The following SGCD variants were observed in gnomAD, a reference collection of about 807,000 sequenced individuals.
SGCD encodes the protein sarcoglycan delta.
Under a neutral mutation model 36.6 loss-of-function variants are expected in SGCD, and 18 were observed. The observed-to-expected ratio is 0.49, with a 90% CI of 0.34 to 0.73. SGCD has a LOEUF of 0.73. SGCD is among the 30% of genes least tolerant of loss of function. The pLI is 0.01. For missense variants in SGCD, 387 were observed against 346.7 expected (o/e 1.12, Z -0.92); for synonymous variants, 133 against 130.6 (o/e 1.02, Z -0.12).
At chr5:156,484,845 G>A (rs1755586884) in intron 3 of SGCD, among the ~76,000 whole-genome samples, 1 of 152,096 alleles carries the variant, frequency 6.6e-6, no homozygotes. Flanking sequence ...ACCTGAGCCT[G>A]GTAATTTCCA....
intron 3 of SGCD, among the ~76,000 whole-genome samples, chr5:156,291,991 A>G (rs1766769276): frequency 6.6e-6 from 1 of 152,034 alleles, no homozygotes; most frequent in Admixed American, 6.6e-5. Flanking sequence ...TTTGAAAAAC[A>G]TCTTCCCAAC....
intron 3 of SGCD, among the ~76,000 whole-genome samples, chr5:156,153,763 TAG>T (rs1225041568): frequency 6.6e-6 from 1 of 151,546 alleles, no homozygotes; most frequent in Non-Finnish European, 1.5e-5. Flanking sequence ...TGGAAATCAA[TAG>T]AGAGTTGCAT....
intron 3 of SGCD, among the ~76,000 whole-genome samples, chr5:156,415,527 T>A (rs1235342271): frequency 2.0e-5 from 3 of 152,316 alleles, no homozygotes; most frequent in South Asian, 2.1e-4. Context: ...CAGCTGTTGA[T>A]CAGATTCAGT....
chr5:156,189,486 G>A (rs1251300371), intron 3 of SGCD, among the ~76,000 whole-genome samples: 1 of 152,066 alleles, frequency 6.6e-6, no homozygotes, highest in African/African-American at 2.4e-5. Flanking sequence ...ATGAGAGTTA[G>A]GAAATTATGA....
the SGCD span, among the ~76,000 whole-genome samples, chr5:155,776,331 G>A: frequency 1.3e-5 from 2 of 152,122 alleles, no homozygotes; most frequent in Non-Finnish European, 2.9e-5. Flanking sequence ...GGACAAGTCA[G>A]TTTGCCCCCT....
chr5:156,553,847 C>T (rs554042503), intron 4 of SGCD, among the ~76,000 whole-genome samples: 2 of 152,296 alleles, frequency 1.3e-5, no homozygotes, highest in South Asian at 4.1e-4. Flanking sequence ...TCTTGTCTAT[C>T]CATTCATCAG....
At chr5:156,290,438 A>G (rs1237516725) in intron 3 of SGCD, among the ~76,000 whole-genome samples, 1 of 152,192 alleles carries the variant, frequency 6.6e-6, no homozygotes, top group Admixed American at 6.6e-5. Flanking sequence ...TCTAAGTTCC[A>G]GTGCTGCTCC....
chr5:156,205,768 C>G (rs1008048327), intron 3 of SGCD, among the ~76,000 whole-genome samples: 1 of 151,816 alleles, frequency 6.6e-6, no homozygotes, highest in African/African-American at 2.4e-5. Context: ...GTCCTAATCT[C>G]TTTGTATGTG....
intron 7 of SGCD, among the ~76,000 whole-genome samples, chr5:156,650,511 C>T (rs941873716): frequency 1.7e-4 from 26 of 152,126 alleles, no homozygotes; most frequent in Admixed American, 1.6e-3. Context: ...TCTACTAGTC[C>T]CTCAGTGTCT....
chr5:156,488,113 T>TG (rs1192811235), intron 3 of SGCD, among the ~76,000 whole-genome samples: 3 of 145,208 alleles, frequency 2.1e-5, no homozygotes, highest in Non-Finnish European at 3.0e-5. Context: ...TTTTTTTTTT[T>TG]TTTTTTTTTT....
intron 1 of SGCD, among the ~76,000 whole-genome samples, chr5:155,976,088 A>T (rs1190286831): frequency 6.6e-6 from 1 of 152,152 alleles, no homozygotes; most frequent in African/African-American, 2.4e-5. Flanking sequence ...ATATATTTTT[A>T]TGGACATTTA....
intron 7 of SGCD, among the ~76,000 whole-genome samples, chr5:156,713,519 G>A (rs1433662288): frequency 1.3e-5 from 2 of 152,170 alleles, no homozygotes; most frequent in Admixed American, 6.5e-5. Flanking sequence ...ACAGACAGGA[G>A]CTTGTGGTAA....
At chr5:156,280,068 C>A (rs1206522744) in intron 3 of SGCD, among the ~76,000 whole-genome samples, 1 of 151,968 alleles carries the variant, frequency 6.6e-6, no homozygotes, top group African/African-American at 2.4e-5. Context: ...ACTATGGATG[C>A]ATTGTCTAGT....
At chr5:156,245,133 T>G (rs943177106) in intron 3 of SGCD, among the ~76,000 whole-genome samples, 1 of 152,174 alleles carries the variant, frequency 6.6e-6, no homozygotes, top group Non-Finnish European at 1.5e-5. Flanking sequence ...TTTTTTTAAA[T>G]TACAGAAAAA....
At chr5:155,779,783 G>A in the SGCD span, among the ~76,000 whole-genome samples, 3 of 152,126 alleles carry the variant, frequency 2.0e-5, no homozygotes, top group Admixed American at 6.6e-5. Flanking sequence ...AGTAATTCTT[G>A]CCCTCCTGCA....
At chr5:156,497,642 T>TCA (rs1257191630) in intron 3 of SGCD, among the ~76,000 whole-genome samples, 15 of 151,394 alleles carry the variant, frequency 9.9e-5, no homozygotes, top group African/African-American at 3.4e-4. Flanking sequence ...TCTCTCTCTC[T>TCA]CTCACACACA....
At chr5:156,016,673 C>T (rs1758986956) in intron 1 of SGCD, among the ~76,000 whole-genome samples, 2 of 151,940 alleles carry the variant, frequency 1.3e-5, no homozygotes, top group South Asian at 2.1e-4. Flanking sequence ...TGTAATTTGC[C>T]GTGTTTACTT....
intron 6 of SGCD, among the ~76,000 whole-genome samples, chr5:156,631,947 G>T (rs530197546): frequency 1.3e-5 from 2 of 152,048 alleles, no homozygotes; most frequent in East Asian, 3.9e-4. Flanking sequence ...AATTATTTAG[G>T]GTATGTCTAA....
chr5:156,684,164 T>C (rs1184164212), intron 7 of SGCD, among the ~76,000 whole-genome samples: 1 of 152,124 alleles, frequency 6.6e-6, no homozygotes, highest in African/African-American at 2.4e-5. Flanking sequence ...ATGTTATGAA[T>C]TACCAAACTA....
Sources: allele counts gnomAD v4.1 joint callset (sites outside exome capture counted in the v4.1 genomes callset), GRCh38; gene constraint gnomAD v4.1.1; transcripts MANE v1.5; gene names NCBI Gene and HGNC (gene_info 2026-07-23, HGNC 2026-07-21).